ADAM7: variants seen among roughly 807,000 people sequenced by gnomAD.
ADAM7 encodes disintegrin and metalloproteinase domain-containing protein 7.
Under a neutral mutation model 102.9 loss-of-function variants are expected in ADAM7, and 97 were observed. That is an observed-to-expected ratio of 0.94 (90% CI 0.80 to 1.12). The LOEUF (loss-of-function observed/expected upper bound fraction) is 1.12. Among genes scored for constraint, ADAM7 ranks in the 50% most tolerant of loss-of-function variants. The pLI is 0.00. For synonymous variants in ADAM7, 334 were observed against 304.4 expected (o/e 1.10, Z -1.01); for missense variants, 991 against 908.7 (o/e 1.09, Z -1.16).
At position 24,494,300 on chromosome 8, in the gene ADAM7, A is replaced by T. The variant is rs75979282; in HGVS notation, c.1842+1071A>T. 8.7e-3 allele frequency among the ~76,000 whole-genome samples: 1,332 copies of T among 152,342 alleles called. 20 individuals carry two copies. The highest frequency in any genetic ancestry group is 0.031 in the African/African-American group (1,278 of 41,572). ...TTAAAATCATTAAATGAATATCAAC[A>T]TGCTAAGAAAGCTATGTTTGTGAAA... On this transcript the variant is annotated intron_variant, in intron 16 of 21. Transcript: ENST00000175238.
In ADAM7 at chr8:24,441,230, TTAAAC is replaced by T. The variant is rs1818363495; in HGVS notation, c.52+72_52+76del. 4.2e-6 allele frequency: 6 copies of T among 1,441,494 alleles called. No homozygotes were observed. The African/African-American group carries it at 8.4e-5, about 20-fold the overall frequency. 89.3% of individuals were successfully genotyped at this position (1,441,494 alleles called of 1,614,324 possible). ...GGTTGTGTCTCTTTAGTCACAAACT[TTAAAC>T]TGTAAGTGATAAAAACATTAAACGT... On this transcript the variant is annotated intron_variant, in intron 1 of 21. Transcript: ENST00000175238.
chr8:24,500,850 T>C lies in ADAM7; in HGVS notation c.2063T>C (p.Leu688Pro), dbSNP rs747623369. 8.1e-6 allele frequency: 13 copies of C among 1,613,266 alleles called. No homozygotes were observed. The highest frequency in any genetic ancestry group is 3.3e-5 in the Admixed American group (2 of 59,952). ...ATTGTCGGTATCGGAGTTCTTATAC[T>C]ATTAGTTCGTTACCGAAAATGTATC... ...LVIVGIGVLILLVRYRKCIKL... is the reference protein window; with the variant it reads ...LVIVGIGVLIPLVRYRKCIKL... Residue 688 changes from leucine (L) to proline (P), a missense_variant, in exon 19 of 22, where the codon CTA becomes CCA. Transcript: ENST00000175238.
intron 1 of ADAM7, among the ~76,000 whole-genome samples, chr8:24,441,781 A>C (rs115388885): frequency 8.7e-4 from 132 of 152,312 alleles, no homozygotes; most frequent in African/African-American, 3.0e-3. Flanking sequence ...AAATGCAAAC[A>C]TCCCTGGAAG....
At chr8:24,496,814 G>A (rs1820572224) in intron 16 of ADAM7, among the ~76,000 whole-genome samples, 1 of 152,180 alleles carries the variant, frequency 6.6e-6, no homozygotes, top group Admixed American at 6.5e-5. Flanking sequence ...GATTTTAGGT[G>A]GAAGGGACTT....
At chr8:24,447,890 T>C (rs1413093474) in intron 3 of ADAM7, among the ~76,000 whole-genome samples, 1 of 150,294 alleles carries the variant, frequency 6.7e-6, no homozygotes, top group Non-Finnish European at 1.5e-5. Context: ...AGAGTGACAC[T>C]ACTGGGGAAT....
At chr8:24,506,256 T>C in intron 20 of ADAM7, 1 of 937,034 alleles carries the variant, frequency 1.1e-6, no homozygotes, top group Non-Finnish European at 1.6e-6. Context: ...AAAGGACCAA[T>C]AATATAACAT....
rs1819410167 is a variant in ADAM7, at chr8:24,465,945, CAA to C, written c.389+172_389+173del. ...CTGTAGCCTATGATTTACATTTTGA[CAA>C]AGAGATGCCTAATGCATAGTCCTGA... On this transcript the variant is annotated intron_variant, in intron 5 of 21. Coordinates refer to ENST00000175238, the MANE Select transcript of ADAM7 (RefSeq NM_003817.4). 1.3e-5 allele frequency among the ~76,000 whole-genome samples: 2 copies of C among 152,150 alleles called. 1 individual carries two copies. The highest frequency in any genetic ancestry group is 2.9e-5 in the Non-Finnish European group (2 of 68,032).
intron 3 of ADAM7, among the ~76,000 whole-genome samples, chr8:24,454,672 CCACT>C (rs1035308544): frequency 5.3e-5 from 8 of 152,096 alleles, no homozygotes; most frequent in Non-Finnish European, 1.2e-4. Flanking sequence ...TGTCCTGCGC[CCACT>C]GTCTGGCACT....
rs571592208 is a variant in ADAM7, at chr8:24,479,765, A to G, written c.706-2377A>G. Among the ~76,000 whole-genome samples, 155 of 152,320 alleles carry G rather than the reference A, an allele frequency of 1.0e-3. 1 individual carries two copies. The highest frequency in any genetic ancestry group is 3.7e-3 in the African/African-American group (153 of 41,584). On this transcript the variant is annotated intron_variant, in intron 8 of 21. Coordinates refer to ENST00000175238, the MANE Select transcript of ADAM7 (RefSeq NM_003817.4). ...TCTACCCATTAAAAAGGTGCTCAAC[A>G]TCTTTCTTTCTCATTATCTGCCACA...
intron 20 of ADAM7, among the ~76,000 whole-genome samples, chr8:24,502,333 A>G (rs1820790955): frequency 6.6e-6 from 1 of 152,088 alleles, no homozygotes; most frequent in Non-Finnish European, 1.5e-5. Context: ...ATAAAAGATC[A>G]ATGACCTCAG....
intron 20 of ADAM7, among the ~76,000 whole-genome samples, chr8:24,504,628 T>C (rs1389688239): frequency 6.6e-6 from 1 of 152,164 alleles, no homozygotes; most frequent in Non-Finnish European, 1.5e-5. Context: ...GCCAGTATTT[T>C]AAAATCAGGA....
rs1057277751 is a variant in ADAM7, at chr8:24,454,115, C to T, written c.233+6853C>T. On this transcript the variant is annotated intron_variant, in intron 3 of 21. Coordinates refer to ENST00000175238, the MANE Select transcript of ADAM7 (RefSeq NM_003817.4). ...AGGGGTCAGGGGTCAGGGACCCACT[C>T]GAGGAGGCAGTCTGCCCATTCTCAG... Among the ~76,000 whole-genome samples, 25 of 152,232 alleles carry T rather than the reference C, an allele frequency of 1.6e-4. No homozygotes were observed. The East Asian group carries it at 3.9e-3, about 24-fold the overall frequency.
chr8:24,444,608 T>C (rs1432142794), intron 2 of ADAM7, among the ~76,000 whole-genome samples: 1 of 150,712 alleles, frequency 6.6e-6, no homozygotes, highest in African/African-American at 2.4e-5. Flanking sequence ...ATGAGAAAAA[T>C]ATCAGAACAA....
intron 3 of ADAM7, among the ~76,000 whole-genome samples, chr8:24,448,721 G>A (rs898614677): frequency 6.6e-6 from 1 of 151,596 alleles, no homozygotes; most frequent in East Asian, 1.9e-4. Context: ...ACAATGTGCA[G>A]GTTAGTTTAC....
chr8:24,462,026 T>G (rs1242180845), intron 3 of ADAM7, among the ~76,000 whole-genome samples: 1 of 152,232 alleles, frequency 6.6e-6, no homozygotes, highest in African/African-American at 2.4e-5. Flanking sequence ...GTTTCATGTT[T>G]CTTCATTGTG....
intron 7 of ADAM7, among the ~76,000 whole-genome samples, chr8:24,473,089 C>T (rs985751708): frequency 2.0e-5 from 3 of 152,028 alleles, no homozygotes; most frequent in African/African-American, 4.8e-5. Flanking sequence ...AATAAAGACA[C>T]CAGGAGCCTC....
intron 16 of ADAM7, among the ~76,000 whole-genome samples, chr8:24,494,597 A>C (rs1004149622): frequency 6.6e-6 from 1 of 152,232 alleles, no homozygotes; most frequent in Non-Finnish European, 1.5e-5. Flanking sequence ...CTTCAAGAGA[A>C]GGCTTAGGGC....
At chr8:24,473,766 G>C (rs1006946333) in intron 7 of ADAM7, among the ~76,000 whole-genome samples, 1 of 152,082 alleles carries the variant, frequency 6.6e-6, no homozygotes, top group Non-Finnish European at 1.5e-5. Flanking sequence ...CCCAAGCCAA[G>C]ATATATCCAT....
intron 8 of ADAM7, among the ~76,000 whole-genome samples, chr8:24,481,594 T>G (rs982658169): frequency 2.0e-5 from 3 of 152,218 alleles, no homozygotes; most frequent in Admixed American, 6.5e-5. Flanking sequence ...GGTGTGAGGT[T>G]TATAGGCTAC....
Sources: allele counts gnomAD v4.1 joint callset (sites outside exome capture counted in the v4.1 genomes callset), GRCh38; gene constraint gnomAD v4.1.1; transcripts MANE v1.5; gene names NCBI Gene and HGNC (gene_info 2026-07-23, HGNC 2026-07-21).